Variants in AGBL1 observed in about 807,000 individuals in gnomAD.
AGBL1 encodes cytosolic carboxypeptidase 4.
Under a neutral mutation model 118.9 loss-of-function variants are expected in AGBL1, and 130 were observed. The observed-to-expected ratio is 1.09, with a 90% CI of 0.95 to 1.26. AGBL1 has a LOEUF of 1.26. AGBL1 is among the 50% of genes most tolerant of loss of function. The pLI is 0.00. For missense variants in AGBL1, 1,584 were observed against 1,298.1 expected, an observed-to-expected ratio of 1.22 and a Z score of -3.38; for synonymous variants, 555 against 478.9, an observed-to-expected ratio of 1.16 and a Z score of -2.08.
chr15:86,403,428 A>G (rs2081477572), intron 18 of AGBL1, among the ~76,000 whole-genome samples: 1 of 152,202 alleles, frequency 6.6e-6, no homozygotes, highest in Non-Finnish European at 1.5e-5. Context: ...TAATAGTTGA[A>G]TGCACTAGAG....
intron 17 of AGBL1, among the ~76,000 whole-genome samples, chr15:86,365,370 G>C (rs1439404599): frequency 6.6e-6 from 1 of 152,100 alleles, no homozygotes; most frequent in Non-Finnish European, 1.5e-5. Context: ...GAATTCTTCT[G>C]ATCCTAACAT....
chr15:86,326,814 T>C (rs746881881), intron 17 of AGBL1, among the ~76,000 whole-genome samples: 2 of 152,164 alleles, frequency 1.3e-5, no homozygotes, highest in African/African-American at 2.4e-5. Context: ...TAACAACTGA[T>C]GAAGTATCTG....
At chr15:86,672,257 C>G (rs1207175458) in intron 21 of AGBL1, among the ~76,000 whole-genome samples, 3 of 152,194 alleles carry the variant, frequency 2.0e-5, no homozygotes, top group South Asian at 2.1e-4. Context: ...CTACTTGTTA[C>G]AATGACAACT....
chr15:86,483,486 C>T (rs552614624), intron 18 of AGBL1, among the ~76,000 whole-genome samples: 2 of 152,206 alleles, frequency 1.3e-5, no homozygotes, highest in Non-Finnish European at 2.9e-5. Context: ...TGTCTGACCT[C>T]CCATCCCATC....
At chr15:86,283,368 C>T (rs1261546452) in intron 16 of AGBL1, among the ~76,000 whole-genome samples, 1 of 152,006 alleles carries the variant, frequency 6.6e-6, no homozygotes, top group Non-Finnish European at 1.5e-5. Context: ...TTAGCAGAGT[C>T]CATGTATTGG....
intron 5 of AGBL1, among the ~76,000 whole-genome samples, chr15:86,198,662 TTCTCTC>T (rs148093995): frequency 1.3e-5 from 2 of 150,094 alleles, no homozygotes; most frequent in East Asian, 2.0e-4. Flanking sequence ...GAGGAAGATT[TTCTCTC>T]TCTCTCTCTC....
intron 21 of AGBL1, among the ~76,000 whole-genome samples, chr15:86,666,362 G>C (rs931419833): frequency 6.6e-6 from 1 of 151,988 alleles, no homozygotes; most frequent in African/African-American, 2.4e-5. Flanking sequence ...ATTGATTTTT[G>C]TATATTTAAT....
At chr15:86,403,243 A>T (rs534245884) in intron 18 of AGBL1, among the ~76,000 whole-genome samples, 2 of 152,296 alleles carry the variant, frequency 1.3e-5, no homozygotes, top group African/African-American at 2.4e-5. Flanking sequence ...ATTTTTATAA[A>T]GTCAACACAC....
chr15:86,948,040 T>C (rs936122960), intron 23 of AGBL1, among the ~76,000 whole-genome samples: 3 of 152,136 alleles, frequency 2.0e-5, no homozygotes, highest in African/African-American at 7.2e-5. Flanking sequence ...AAGAGAGCCT[T>C]TCAATTCTGC....
intron 22 of AGBL1, among the ~76,000 whole-genome samples, chr15:86,889,886 T>C (rs2080026265): frequency 6.6e-6 from 1 of 152,216 alleles, no homozygotes; most frequent in Non-Finnish European, 1.5e-5. Flanking sequence ...AATAGAATGA[T>C]TTATATTCCT....
intron 18 of AGBL1, among the ~76,000 whole-genome samples, chr15:86,508,068 G>A (rs909345548): frequency 4.7e-5 from 7 of 147,464 alleles, no homozygotes; most frequent in East Asian, 2.0e-4. Context: ...GCAGTGGCAC[G>A]AGCCACCATG....
chr15:86,667,272 G>A (rs992532072), intron 21 of AGBL1, among the ~76,000 whole-genome samples: 47 of 147,942 alleles, frequency 3.2e-4, no homozygotes, highest in African/African-American at 9.0e-4. Context: ...CTATCTATCT[G>A]TCTATCTTTG....
intron 1 of AGBL1, among the ~76,000 whole-genome samples, chr15:86,089,347 C>A (rs745888929): frequency 2.0e-5 from 3 of 152,178 alleles, no homozygotes; most frequent in African/African-American, 4.8e-5. Flanking sequence ...TACAACCAGT[C>A]TGCAGGCCTT....
At chr15:86,444,434 A>C (rs1384796378) in intron 18 of AGBL1, among the ~76,000 whole-genome samples, 5 of 150,646 alleles carry the variant, frequency 3.3e-5, no homozygotes, top group Admixed American at 1.3e-4. Flanking sequence ...GAAAGTTTTC[A>C]CATGACTCTC....
chr15:86,316,403 G>A (rs1166209898), intron 17 of AGBL1, among the ~76,000 whole-genome samples: 3 of 152,262 alleles, frequency 2.0e-5, no homozygotes, highest in South Asian at 4.2e-4. Flanking sequence ...CACTCATGCC[G>A]TGGGTGGACA....
intron 18 of AGBL1, among the ~76,000 whole-genome samples, chr15:86,473,266 T>A (rs963175418): frequency 6.6e-6 from 1 of 152,172 alleles, no homozygotes; most frequent in African/African-American, 2.4e-5. Context: ...AAGGACTGAA[T>A]GTGATAGGAA....
At chr15:86,957,642 C>T (rs1381244239) in intron 23 of AGBL1, among the ~76,000 whole-genome samples, 1 of 151,856 alleles carries the variant, frequency 6.6e-6, no homozygotes, top group African/African-American at 2.4e-5. Flanking sequence ...ATATATTTAA[C>T]AAAAATTTGA....
intron 21 of AGBL1, among the ~76,000 whole-genome samples, chr15:86,556,597 G>A (rs1043001040): frequency 6.6e-6 from 1 of 152,222 alleles, no homozygotes; most frequent in Non-Finnish European, 1.5e-5. Context: ...CCAGCCTGGA[G>A]TTGGGTGTTT....
intron 21 of AGBL1, among the ~76,000 whole-genome samples, chr15:86,667,258 C>G (rs369782937): frequency 1.5e-4 from 20 of 133,662 alleles, no homozygotes; most frequent in East Asian, 5.9e-4. Context: ...ATGTATGTAT[C>G]TATCTATCTA....
Sources: gnomAD v4.1 joint callset for allele counts (sites outside exome capture counted in the v4.1 genomes callset) on GRCh38, gnomAD v4.1.1 for gene constraint, MANE v1.5 for transcripts, NCBI Gene and HGNC (gene_info 2026-07-23, HGNC 2026-07-21) for gene names.